The following NCOR1 variants were observed in gnomAD, a reference collection of about 807,000 sequenced individuals.
The protein encoded by NCOR1 is nuclear receptor corepressor 1.
In NCOR1, 63 loss-of-function variants were observed where a neutral mutation model predicts 288.1. That is an observed-to-expected ratio of 0.22 (90% confidence interval 0.18 to 0.27). The LOEUF is 0.27. Ranked by LOEUF, NCOR1 falls within the 10% of genes least tolerant of loss-of-function variation. The pLI is 1.00. For synonymous variants in NCOR1, 1,007 were observed against 1,065.9 expected, an observed-to-expected ratio of 0.94 and a Z score of 1.08; for missense variants, 2,397 against 3,019.2, an observed-to-expected ratio of 0.79 and a Z score of 4.83.
intron 9 of NCOR1, among the ~76,000 whole-genome samples, chr17:16,148,873 A>G (rs1453319343): frequency 6.6e-6 from 1 of 152,138 alleles, no homozygotes; most frequent in Non-Finnish European, 1.5e-5. Context: ...TTTAGCAGAC[A>G]CTTCAGTTTA....
chr17:16,047,219 T>TA, intron 41 of NCOR1, 126 bp from the exon 42 acceptor site: 1 of 967,040 alleles, frequency 1.0e-6, no homozygotes, highest in Non-Finnish European at 1.5e-6. Flanking sequence ...TGTTTGTGGT[T>TA]ACAGCCCTAA....
At chr17:16,103,290 T>C (rs2067963186) in intron 19 of NCOR1, among the ~76,000 whole-genome samples, 1 of 152,206 alleles carries the variant, frequency 6.6e-6, no homozygotes, top group Non-Finnish European at 1.5e-5. Flanking sequence ...TGATTTTCTC[T>C]CTAAAAATTT....
intron 2 of NCOR1, among the ~76,000 whole-genome samples, chr17:16,188,557 G>T (rs912800502): frequency 1.3e-5 from 2 of 151,656 alleles, no homozygotes; most frequent in African/African-American, 4.8e-5. Context: ...GGTGCAGTGA[G>T]CTGAGATCGT....
rs182807997 is a variant in NCOR1, at chr17:16,160,289, G to A, written c.619-1416C>T. ...TTGTAAATATTACCGAGTATTACTA[G>A]TGAAGCAAGCAGGGACTTGTCTGCT... On this transcript the variant is annotated intron_variant, in intron 5 of 45. Transcript: ENST00000268712. 2.4e-4 allele frequency among the ~76,000 whole-genome samples: 37 copies of A among 152,138 alleles called. No individual in the cohort carries two copies. In the East Asian group the frequency reaches 6.0e-3, roughly 25 times the overall value.
At chr17:16,059,130 G>A (rs2060276037) in intron 37 of NCOR1, among the ~76,000 whole-genome samples, 1 of 147,378 alleles carries the variant, frequency 6.8e-6, no homozygotes, top group African/African-American at 2.5e-5. Context: ...ACAGAGAACA[G>A]ATTTATGATA....
At chr17:16,104,987 G>T (rs1037630172) in intron 19 of NCOR1, among the ~76,000 whole-genome samples, 1 of 152,166 alleles carries the variant, frequency 6.6e-6, no homozygotes, top group Non-Finnish European at 1.5e-5. Flanking sequence ...GTCGGGGTTG[G>T]TTTGCCCAGG....
At chr17:16,042,609 G>A (rs2057932983) in intron 42 of NCOR1, among the ~76,000 whole-genome samples, 1 of 152,200 alleles carries the variant, frequency 6.6e-6, no homozygotes, top group Non-Finnish European at 1.5e-5. Context: ...CAAGAATGTG[G>A]TAACTGCTCA....
chr17:16,095,322 T>C (rs6502489), intron 21 of NCOR1, among the ~76,000 whole-genome samples: 140,652 of 141,662 alleles, frequency 0.99, 69,821 homozygotes, highest in Admixed American at 1. Flanking sequence ...GGAGACCCTC[T>C]GCCCGGCTGC....
intron 18 of NCOR1, among the ~76,000 whole-genome samples, chr17:16,115,827 T>G (rs2071455017): frequency 6.6e-6 from 1 of 152,178 alleles, no homozygotes; most frequent in Non-Finnish European, 1.5e-5. Flanking sequence ...CCCTCCAAAC[T>G]GTTGCAACCT....
chr17:16,030,493 G>GAA lies in NCOR1; in HGVS notation c.*1801_*1802dup. ...AAACTCTAAAATATTACCAGTACCT[G>GAA]AAAAAAAAAAATTCAGCAGAAAACT... On this transcript the variant is annotated 3_prime_UTR_variant, in exon 46 of 46. Coordinates refer to ENST00000268712, the MANE Select transcript of NCOR1 (RefSeq NM_006311.4). 3 of 183,498 alleles carry GAA rather than the reference G, an allele frequency of 1.6e-5. No individual in the cohort carries two copies. 11.4% of individuals were successfully genotyped at this position (183,498 alleles called of 1,614,324 possible). A position where few individuals can be genotyped will look rare whatever the true frequency, so the allele number is the denominator to read the frequency against.
chr17:16,145,022 G>T (rs1035839613), intron 10 of NCOR1, among the ~76,000 whole-genome samples: 7 of 152,198 alleles, frequency 4.6e-5, no homozygotes, highest in African/African-American at 1.2e-4. Flanking sequence ...TGATTCTCCT[G>T]CCTCGTGCCT....
At position 16,061,392 on chromosome 17, in the gene NCOR1, G is replaced by T; in HGVS notation, c.5881+9C>A. ...CATCACATTGTGAAACTCGGATTGA[G>T]ATACATACAGCTACTAGAAGAGTCT... On this transcript the variant is annotated intron_variant, in intron 37 of 45. Coordinates refer to ENST00000268712, the MANE Select transcript of NCOR1 (RefSeq NM_006311.4). 1 of 1,611,426 alleles carries T rather than the reference G, an allele frequency of 6.2e-7. No individual in the cohort carries two copies. Among genetic ancestry groups the T allele is most frequent in the Non-Finnish European group, 8.5e-7 (1 of 1,178,304 alleles).
rs778727736 is a variant in NCOR1 at position 16,058,555 on chromosome 17, T to C, written c.5926A>G (p.Ile1976Val). ...YETPSDAIEVISPASSPAPPQ... is the reference protein window; with the variant it reads ...YETPSDAIEVVSPASSPAPPQ... ...GGCGCAGGTGAGCTGGCAGGACTTA[T>C]CACCTCAATAGCATCGCTAGGTGTT... is the stretch of plus-strand genomic sequence containing the variant. The change falls in exon 38 of 46, where the codon ATA becomes GTA. Residue 1976 changes from isoleucine to valine, a missense_variant. This residue lies in a region of NCOR1 where 1,872 missense variants were observed against 2,187.8 expected (regional missense o/e 0.86). Coordinates refer to ENST00000268712, the MANE Select transcript of NCOR1 (RefSeq NM_006311.4). The C allele has an allele frequency of 7.4e-6, 12 of 1,613,718 alleles. No homozygotes were observed. In the Middle Eastern group the frequency reaches 8.2e-4, roughly 111 times the overall value.
At position 16,047,082 on chromosome 17, in the gene NCOR1, C is replaced by A; in HGVS notation, c.6548G>T (p.Arg2183Leu). 1 of 1,611,570 alleles carries A rather than the reference C, an allele frequency of 6.2e-7. No individual in the cohort carries two copies. The highest frequency in any genetic ancestry group is 2.2e-5 in the East Asian group (1 of 44,760). The change falls in exon 42 of 46, where the codon CGC becomes CTC. Residue 2183 changes from arginine to leucine, a missense_variant. Physicochemically the swap from Arg to Leu is moderately radical, Grantham distance 102 (BLOSUM62 -2). Around this residue, in one of 11 missense-constraint regions of NCOR1, gnomAD observed 1,872 missense variants for 2,187.8 expected, o/e 0.86. Transcript: ENST00000268712. The stretch of plus-strand genomic sequence containing the variant: ...CAAGTAGCTTATACTCCCTGGTGAG[C>A]GGGCATCATTCCTGTTAGGGCCAAA... ...AEPAEQRNDARSPGSISYLPS... is the reference protein window; with the variant it reads ...AEPAEQRNDALSPGSISYLPS...
chr17:16,138,437 T>C (rs1415045385), intron 12 of NCOR1, among the ~76,000 whole-genome samples: 1 of 151,996 alleles, frequency 6.6e-6, no homozygotes, highest in African/African-American at 2.4e-5. Flanking sequence ...ATACAAAAAT[T>C]AGCTGGGGAT....
intron 37 of NCOR1, 100 bp downstream of exon 37, chr17:16,061,301 C>A: frequency 7.2e-7 from 1 of 1,394,900 alleles, no homozygotes; most frequent in East Asian, 2.3e-5. Flanking sequence ...TACTATCAAC[C>A]GTTAGGATTT....
In NCOR1 at chr17:16,132,791, C is replaced by CTTT. The variant is rs34110444; in HGVS notation, c.1509+4517_1509+4519dup. Among the ~76,000 whole-genome samples the CTTT allele has an allele frequency of 1.4e-3, 185 of 130,054 alleles. 2 individuals are homozygous for CTTT. The highest frequency in any genetic ancestry group is 4.9e-3 in the African/African-American group (168 of 34,586). 85.3% of individuals were successfully genotyped at this position (130,054 alleles called of 152,430 possible). ...TAGAATCTATCAATAGCAAACTACACTTTTTTTTTTTTTTTTTTCCTGAGA... is the reference window on the plus strand; with the variant it reads ...TAGAATCTATCAATAGCAAACTACACTTTTTTTTTTTTTTTTTTTTTCCTGAGA... On this transcript the variant is annotated intron_variant, in intron 14 of 45. Transcript: ENST00000268712.
At chr17:16,078,864 G>A (rs138681415) in intron 26 of NCOR1, among the ~76,000 whole-genome samples, 331 of 152,240 alleles carry the variant, frequency 2.2e-3, no homozygotes, top group Admixed American at 4.5e-3. Context: ...GTGAGCCACC[G>A]CGCCTGGCCT....
intron 22 of NCOR1, chr17:16,087,331 A>G (rs1477315267): frequency 1.5e-6 from 2 of 1,303,968 alleles, no homozygotes; most frequent in Admixed American, 4.6e-5. Context: ...TAAGGCATAT[A>G]GGCGACTGAT....
Sources: gnomAD v4.1 joint callset for allele counts (sites outside exome capture counted in the v4.1 genomes callset) on GRCh38, gnomAD v4.1.1 for gene constraint, gnomAD v4.1.1 regional missense constraint, MANE v1.5 for transcripts, NCBI Gene and HGNC (gene_info 2026-07-23, HGNC 2026-07-21) for gene names.